NDST4: variants seen among roughly 807,000 people sequenced by gnomAD.
The protein encoded by NDST4 is N-heparan sulfate sulfotransferase 4.
In NDST4, 63 loss-of-function variants were observed where a neutral mutation model predicts 100.8. The ratio of observed to expected loss-of-function variants is 0.62; its 90% confidence interval spans 0.51 to 0.77. NDST4 has a LOEUF of 0.77. NDST4 is among the 30% of genes least tolerant of loss of function. The pLI is 0.00. For missense variants in NDST4, 943 were observed against 1,018.4 expected (o/e 0.93, Z 1.01); for synonymous variants, 377 against 361.8 (o/e 1.04, Z -0.48).
intron 1 of NDST4, among the ~76,000 whole-genome samples, chr4:115,080,031 T>C (rs1729269195): frequency 6.6e-6 from 1 of 152,204 alleles, no homozygotes. Context: ...TGAAACATAT[T>C]GTACCAGTTT....
intron 6 of NDST4, among the ~76,000 whole-genome samples, chr4:114,921,992 T>C (rs1002639347): frequency 2.0e-5 from 3 of 149,066 alleles, no homozygotes; most frequent in African/African-American, 7.6e-5. Flanking sequence ...CATGTGAAAG[T>C]GTTACAGTCG....
At chr4:115,026,773 A>C (rs985780616) in intron 2 of NDST4, among the ~76,000 whole-genome samples, 3 of 152,060 alleles carry the variant, frequency 2.0e-5, no homozygotes, top group African/African-American at 7.2e-5. Context: ...ATTGTACAGC[A>C]TAGGAGCTTT....
chr4:114,977,281 T>C lies in NDST4; in HGVS notation c.979-7A>G. On this transcript the variant is annotated splice_polypyrimidine_tract_variant and splice_region_variant and intron_variant, in intron 2 of 13. Coordinates refer to ENST00000264363, the MANE Select transcript of NDST4 (RefSeq NM_022569.3). ...TTTGAGTCTCTAGTAATGCCTGAAATAAATAAGAAATTAACATGATTTTAG... is the reference window on the plus strand; with the variant it reads ...TTTGAGTCTCTAGTAATGCCTGAAACAAATAAGAAATTAACATGATTTTAG... 7 of 1,571,392 alleles carry C rather than the reference T, an allele frequency of 4.5e-6. No individual in the cohort carries two copies. Among genetic ancestry groups the C allele is most frequent in the Non-Finnish European group, 6.1e-6 (7 of 1,150,372 alleles).
intron 1 of NDST4, among the ~76,000 whole-genome samples, chr4:115,103,888 A>G (rs970496094): frequency 2.6e-5 from 4 of 152,162 alleles, no homozygotes; most frequent in African/African-American, 4.8e-5. Context: ...ATCTGGAGTG[A>G]TTTCACATAT....
At chr4:114,886,256 G>T (rs1462230040) in intron 6 of NDST4, among the ~76,000 whole-genome samples, 1 of 152,082 alleles carries the variant, frequency 6.6e-6, no homozygotes, top group African/African-American at 2.4e-5. Context: ...AGAATGGTTA[G>T]CTGCAGGGCA....
chr4:114,879,805 C>G (rs570721169), intron 6 of NDST4, among the ~76,000 whole-genome samples: 13 of 152,270 alleles, frequency 8.5e-5, no homozygotes, highest in African/African-American at 2.9e-4. Context: ...AAACAAAACA[C>G]TATCCTAAAA....
intron 6 of NDST4, among the ~76,000 whole-genome samples, chr4:114,922,204 T>C (rs1725303449): frequency 6.6e-6 from 1 of 152,196 alleles, no homozygotes; most frequent in African/African-American, 2.4e-5. Context: ...AGCAGCTTCC[T>C]GATAAGATCT....
chr4:115,007,737 G>A lies in NDST4; in HGVS notation c.979-30463C>T, dbSNP rs1727453683. 2.3e-5 allele frequency among the ~76,000 whole-genome samples: 3 copies of A among 129,538 alleles called. 1 individual carries two copies. The allele number at this position is 129,538 out of a possible 152,430, so 85.0% of individuals were successfully genotyped here. Reference sequence around the variant, plus strand: ...GACCTCATTAGCTGATATCTGCTTAGATGCTAAAGACAACAGGAAGACTTT... The same window carrying A: ...GACCTCATTAGCTGATATCTGCTTAAATGCTAAAGACAACAGGAAGACTTT... On this transcript the variant is annotated intron_variant, in intron 2 of 13. Transcript: ENST00000264363.
At chr4:114,960,209 T>C (rs1480649423) in intron 4 of NDST4, among the ~76,000 whole-genome samples, 3 of 152,230 alleles carry the variant, frequency 2.0e-5, no homozygotes, top group Admixed American at 6.5e-5. Context: ...TTCACAGATA[T>C]ATCAAAACTG....
chr4:115,075,923 T>G (rs1729170161), intron 2 of NDST4, 136 bp downstream of exon 2: 1 of 1,057,284 alleles, frequency 9.5e-7, no homozygotes, highest in Admixed American at 2.9e-5. Context: ...GGTTCAATAT[T>G]TTTCTAAATG....
chr4:114,956,643 T>C (rs1726147446), intron 4 of NDST4, among the ~76,000 whole-genome samples: 1 of 152,030 alleles, frequency 6.6e-6, no homozygotes, highest in South Asian at 2.1e-4. Flanking sequence ...GCAGACAGCT[T>C]AACAAAAACA....
chr4:114,851,303 T>A (rs942697753), intron 8 of NDST4, among the ~76,000 whole-genome samples: 1 of 152,192 alleles, frequency 6.6e-6, no homozygotes, highest in Non-Finnish European at 1.5e-5. Context: ...TAAGAATTAC[T>A]ACAACCGTTT....
intron 11 of NDST4, among the ~76,000 whole-genome samples, chr4:114,835,510 A>G (rs1461017142): frequency 2.6e-5 from 4 of 152,080 alleles, no homozygotes; most frequent in Non-Finnish European, 5.9e-5. Flanking sequence ...ATTCTTTTGC[A>G]TTTGCTGAAG....
At chr4:114,859,001 C>T (rs1723861900) in intron 7 of NDST4, among the ~76,000 whole-genome samples, 1 of 152,206 alleles carries the variant, frequency 6.6e-6, no homozygotes, top group South Asian at 2.1e-4. Context: ...GGAGAAGTAT[C>T]TTTGGCATTC....
intron 2 of NDST4, among the ~76,000 whole-genome samples, chr4:115,049,953 T>A (rs1388386762): frequency 6.6e-6 from 1 of 152,158 alleles, no homozygotes; most frequent in Non-Finnish European, 1.5e-5. Context: ...GATGAAGACC[T>A]AGCAATATTA....
chr4:115,076,804 G>C lies in NDST4; in HGVS notation c.233C>G (p.Pro78Arg), dbSNP rs746576830. ...GCTCTCCACGAAGAGAAGGACAGTAGGGTCCGTTTTGGATGTGTCAATAGG... is the reference window on the plus strand; with the variant it reads ...GCTCTCCACGAAGAGAAGGACAGTACGGTCCGTTTTGGATGTGTCAATAGG... ...VKPIDTSKTD[P>R]TVLLFVESQY... is the part of the protein sequence containing the mutation. Residue 78 changes from proline (P) to arginine (R), a missense_variant, in exon 2 of 14, where the codon CCT (proline) becomes CGT (arginine). By Grantham distance (103) the Pro-to-Arg change is moderately radical (BLOSUM62 -2). Transcript: ENST00000264363. 4 of 1,613,924 alleles carry C rather than the reference G, an allele frequency of 2.5e-6. No homozygotes were observed. The highest frequency in any genetic ancestry group is 1.7e-6 in the Non-Finnish European group (2 of 1,179,934).
chr4:115,064,741 G>A (rs1225977939), intron 2 of NDST4, among the ~76,000 whole-genome samples: 1 of 151,970 alleles, frequency 6.6e-6, no homozygotes, highest in Non-Finnish European at 1.5e-5. Context: ...AAACTAACTT[G>A]TTATTGGTTT....
chr4:114,882,204 T>C (rs1319941624), intron 6 of NDST4, among the ~76,000 whole-genome samples: 1 of 151,958 alleles, frequency 6.6e-6, no homozygotes, highest in Non-Finnish European at 1.5e-5. Context: ...ACAAAACACA[T>C]GAATTTCATG....
At chr4:114,907,565 A>G (rs1724978466) in intron 6 of NDST4, among the ~76,000 whole-genome samples, 1 of 152,192 alleles carries the variant, frequency 6.6e-6, no homozygotes, top group Non-Finnish European at 1.5e-5. Context: ...TGAAGCAAAA[A>G]TCAATCTAAT....
Sources: allele counts gnomAD v4.1 joint callset (sites outside exome capture counted in the v4.1 genomes callset), GRCh38; gene constraint gnomAD v4.1.1; transcripts MANE v1.5; gene names NCBI Gene and HGNC (gene_info 2026-07-23, HGNC 2026-07-21).